The following GALNT14 variants were observed in gnomAD, a reference collection of about 807,000 sequenced individuals.
GALNT14 encodes the protein polypeptide N-acetylgalactosaminyltransferase 14.
Under a neutral mutation model 77.5 loss-of-function variants are expected in GALNT14, and 60 were observed. The observed-to-expected ratio is 0.77, with a 90% CI of 0.63 to 0.96. The LOEUF (loss-of-function observed/expected upper bound fraction) is 0.96, where lower values mean the gene tolerates loss of function less well. GALNT14 is among the 40% of genes least tolerant of loss of function. The probability of loss-of-function intolerance (pLI) is 0.00; values close to 1 mark genes in which losing one functional copy is unlikely to be tolerated. For synonymous variants in GALNT14, 280 were observed against 281.7 expected (o/e 0.99, Z 0.06); for missense variants, 710 against 731.0 (o/e 0.97, Z 0.33).
At chr2:30,958,731 C>G (rs367897918) in intron 3 of GALNT14, among the ~76,000 whole-genome samples, 1 of 152,136 alleles carries the variant, frequency 6.6e-6, no homozygotes, top group Non-Finnish European at 1.5e-5. Flanking sequence ...TGAAACCCCA[C>G]AGCAAATCAG....
rs1363490802 is a variant in GALNT14, at chr2:31,038,065, C to CATAT, written c.130-45062_130-45059dup. Among the ~76,000 whole-genome samples, 177 of 68,168 alleles carry CATAT rather than the reference C, an allele frequency of 2.6e-3. 4 individuals are homozygous for CATAT. The highest frequency in any genetic ancestry group is 8.0e-3 in the African/African-American group (105 of 13,124). 44.7% of individuals were successfully genotyped at this position (68,168 alleles called of 152,430 possible). ...TTATTTTGGTTAGTCCCTTATTTGC[C>CATAT]ATATATATATATATATATATTTTTT... is the stretch of plus-strand genomic sequence containing the variant. On this transcript the variant is annotated intron_variant, in intron 1 of 14. Transcript: ENST00000349752.
intron 1 of GALNT14, among the ~76,000 whole-genome samples, chr2:31,037,670 T>C (rs1362663382): frequency 1.3e-5 from 2 of 152,122 alleles, no homozygotes; most frequent in Non-Finnish European, 2.9e-5. Flanking sequence ...TATTTGTGGT[T>C]GCTGCTGATG....
Position 30,992,727 on chromosome 2 carries a change from T to A in GALNT14, c.299+111A>T, listed in dbSNP as rs1283587886. 2.4e-6 allele frequency: 3 copies of A among 1,229,122 alleles called. No homozygotes were observed. The Admixed American group carries it at 6.3e-5, about 26-fold the overall frequency. 76.1% of individuals were successfully genotyped at this position (1,229,122 alleles called of 1,614,324 possible). On this transcript the variant is annotated intron_variant, in intron 2 of 14. Transcript: ENST00000349752. ...CCTTTAGTGTTCAACTGGCAGCAGA[T>A]GGTCCAGCCCGGTTCTTAGCACTGG...
At chr2:31,056,726 C>T (rs1050542611) in intron 1 of GALNT14, among the ~76,000 whole-genome samples, 1 of 152,152 alleles carries the variant, frequency 6.6e-6, no homozygotes, top group Admixed American at 6.5e-5. Context: ...TTTTTAAACT[C>T]GTGATATAGT....
intron 1 of GALNT14, among the ~76,000 whole-genome samples, chr2:31,104,641 T>G (rs1457776026): frequency 6.6e-6 from 1 of 152,214 alleles, no homozygotes; most frequent in Non-Finnish European, 1.5e-5. Flanking sequence ...AATTCCTCAG[T>G]CTTTCTCTGT....
chr2:30,932,744 A>G (rs939082340), intron 9 of GALNT14, among the ~76,000 whole-genome samples: 27 of 152,240 alleles, frequency 1.8e-4, no homozygotes, highest in Non-Finnish European at 3.4e-4. Flanking sequence ...GAGTCCCCAG[A>G]AGGCCTCAGG....
chr2:30,970,201 C>T (rs137962739), intron 2 of GALNT14, among the ~76,000 whole-genome samples: 3 of 152,166 alleles, frequency 2.0e-5, no homozygotes, highest in African/African-American at 7.2e-5. Context: ...CTGTCCTGTC[C>T]CACAAGCAGG....
downstream of GALNT14, among the ~76,000 whole-genome samples, chr2:30,909,836 T>A (rs1167308720): frequency 1.3e-5 from 2 of 151,530 alleles, no homozygotes; most frequent in Non-Finnish European, 1.5e-5. Context: ...ATAGACTGGA[T>A]TAAGAAAATG....
chr2:31,095,230 A>G (rs1320465247), intron 1 of GALNT14, among the ~76,000 whole-genome samples: 1 of 152,180 alleles, frequency 6.6e-6, no homozygotes, highest in African/African-American at 2.4e-5. Context: ...TAACACAAAG[A>G]CAACATGGGG....
chr2:30,912,744 C>T (rs919618086), intron 13 of GALNT14, among the ~76,000 whole-genome samples: 4 of 152,170 alleles, frequency 2.6e-5, no homozygotes, highest in African/African-American at 9.7e-5. Flanking sequence ...GTCAACTCCC[C>T]ACCCCTCCAT....
intron 1 of GALNT14, among the ~76,000 whole-genome samples, chr2:31,109,697 T>C (rs975324127): frequency 2.6e-5 from 4 of 152,230 alleles, no homozygotes; most frequent in African/African-American, 9.6e-5. Context: ...TCTAGCTTAT[T>C]TGCGTGCAGT....
intron 1 of GALNT14, among the ~76,000 whole-genome samples, chr2:31,055,882 G>A (rs1674178784): frequency 6.6e-6 from 1 of 152,252 alleles, no homozygotes; most frequent in Admixed American, 6.5e-5. Context: ...CTGAACAGGA[G>A]CAAGAAGAGA....
intron 1 of GALNT14, among the ~76,000 whole-genome samples, chr2:31,001,123 C>A (rs1420196872): frequency 6.6e-6 from 1 of 152,098 alleles, no homozygotes; most frequent in Non-Finnish European, 1.5e-5. Flanking sequence ...CAGGCTATCT[C>A]CAGGACCACA....
chr2:30,963,549 G>T (rs1288403744), intron 3 of GALNT14, among the ~76,000 whole-genome samples: 1 of 152,232 alleles, frequency 6.6e-6, no homozygotes, highest in Admixed American at 6.5e-5. Context: ...AACACTGTTA[G>T]GGAGGCCTGG....
At chr2:31,002,377 C>T (rs1452291495) in intron 1 of GALNT14, among the ~76,000 whole-genome samples, 1 of 151,998 alleles carries the variant, frequency 6.6e-6, no homozygotes, top group Non-Finnish European at 1.5e-5. Flanking sequence ...CTGAAGTGAG[C>T]CGAGTTCATG....
In GALNT14 at chr2:30,911,033, G is replaced by C. The variant is rs565883379; in HGVS notation, c.1527C>G (p.Ile509Met). ...GGCAGAGGTGGGATGCTATGTGCTCGATGTGGGAACCAGTTTTGGTCCATT... is the reference window on the plus strand; with the variant it reads ...GGCAGAGGTGGGATGCTATGTGCTCCATGTGGGAACCAGTTTTGGTCCATT... ...RQQWTKTGSHIEHIASHLCLD... is the reference protein window; with the variant it reads ...RQQWTKTGSHMEHIASHLCLD... The change falls in exon 15 of 15, where the codon ATC becomes ATG. Residue 509 changes from isoleucine to methionine, a missense_variant. Coordinates refer to ENST00000349752, the MANE Select transcript of GALNT14 (RefSeq NM_024572.4). The C allele has an allele frequency of 1.9e-6, 3 of 1,614,000 alleles. No individual in the cohort carries two copies. The highest frequency in any genetic ancestry group is 2.2e-5 in the South Asian group (2 of 91,046).
chr2:31,135,205 A>G (rs141538147), intron 1 of GALNT14, among the ~76,000 whole-genome samples: 1,637 of 152,264 alleles, frequency 0.011, 19 homozygotes, highest in South Asian at 0.042. Context: ...ATCACATGCA[A>G]CCCTGGTAAA....
At chr2:30,961,691 T>A (rs1667700117) in intron 3 of GALNT14, among the ~76,000 whole-genome samples, 1 of 151,912 alleles carries the variant, frequency 6.6e-6, no homozygotes, top group South Asian at 2.1e-4. Flanking sequence ...TTTCTTTTTT[T>A]TTTTTTTGAG....
intron 1 of GALNT14, among the ~76,000 whole-genome samples, chr2:31,134,720 G>A (rs1679152030): frequency 6.6e-6 from 1 of 152,154 alleles, no homozygotes; most frequent in Admixed American, 6.5e-5. Flanking sequence ...CAAGGGTGAG[G>A]ATCTAGGGAT....
Sources: gnomAD v4.1 joint callset for allele counts (sites outside exome capture counted in the v4.1 genomes callset) on GRCh38, gnomAD v4.1.1 for gene constraint, MANE v1.5 for transcripts, NCBI Gene and HGNC (gene_info 2026-07-23, HGNC 2026-07-21) for gene names.